FBN1: variants seen among roughly 807,000 people sequenced by gnomAD.
FBN1 encodes fibrillin-1.
FBN1 carries 29 observed loss-of-function variants against 365.1 expected under a neutral mutation model. The ratio of observed to expected loss-of-function variants is 0.08; its 90% CI spans 0.06 to 0.11. FBN1 has a LOEUF of 0.11. Ranked by LOEUF, FBN1 falls within the 10% of genes least tolerant of loss-of-function variation. The pLI is 1.00. For synonymous variants in FBN1, 1,210 were observed against 1,270.5 expected (o/e 0.95, Z 1.01); for missense variants, 2,476 against 3,703.2 (o/e 0.67, Z 8.60).
intron 12 of FBN1, among the ~76,000 whole-genome samples, chr15:48,514,669 T>C (rs774801463): frequency 5.3e-5 from 8 of 152,222 alleles, no homozygotes; most frequent in Non-Finnish European, 8.8e-5. Context: ...CTAAGAGAGT[T>C]GGTAAGCTAC....
chr15:48,491,423 T>C (rs1271893104), intron 24 of FBN1, among the ~76,000 whole-genome samples: 1 of 151,954 alleles, frequency 6.6e-6, no homozygotes, highest in Non-Finnish European at 1.5e-5. Context: ...CTATCTCGGC[T>C]CACTGCAAGC....
At chr15:48,550,567 T>C (rs756782337) in intron 6 of FBN1, among the ~76,000 whole-genome samples, 17 of 152,162 alleles carry the variant, frequency 1.1e-4, no homozygotes, top group Non-Finnish European at 1.9e-4. Context: ...TAACTTCAGT[T>C]AGACCCTAAA....
intron 8 of FBN1, among the ~76,000 whole-genome samples, chr15:48,533,869 T>G (rs944532909): frequency 5.9e-5 from 9 of 152,226 alleles, no homozygotes; most frequent in African/African-American, 1.9e-4. Flanking sequence ...ACCTCTTGTT[T>G]TGGGTCTATA....
intron 10 of FBN1, 40 bp from the exon 11 acceptor site, chr15:48,516,402 GTAGCT>G: frequency 6.3e-7 from 1 of 1,598,164 alleles, no homozygotes; most frequent in Non-Finnish European, 8.6e-7. Context: ...CAGCTGAGCT[GTAGCT>G]TATGATCATA....
At position 48,611,024 on chromosome 15, in the gene FBN1, C is replaced by T. The variant is rs76249401; in HGVS notation, c.248-198G>A. The stretch of plus-strand genomic sequence containing the variant: ...CTAAATAAACTCTGGCTTTAAAATC[C>T]ACAACTCCTTTATCCAGTCACGGTG... On this transcript the variant is annotated intron_variant, in intron 3 of 65. Transcript: ENST00000316623. 0.017 allele frequency among the ~76,000 whole-genome samples: 2,639 copies of T among 152,056 alleles called. 27 individuals carry two copies. The highest frequency in any genetic ancestry group is 0.024 in the Middle Eastern group (7 of 294).
intron 6 of FBN1, among the ~76,000 whole-genome samples, chr15:48,590,143 G>A (rs1029086778): frequency 1.3e-5 from 2 of 152,066 alleles, no homozygotes; most frequent in Non-Finnish European, 2.9e-5. Flanking sequence ...TGTAAAATTC[G>A]TGTCAGAAAT....
At chr15:48,444,785 T>G in intron 48 of FBN1, 125 bp from the exon 49 acceptor site, 3 of 1,051,230 alleles carry the variant, frequency 2.9e-6, no homozygotes, top group Non-Finnish European at 4.3e-6. Context: ...TTCATAAAAT[T>G]CCACCATGGA....
chr15:48,463,808 T>C (rs2043299212), intron 41 of FBN1, 91 bp downstream of exon 41: 1 of 1,345,682 alleles, frequency 7.4e-7, no homozygotes, highest in Admixed American at 2.0e-5. Flanking sequence ...GTCTGATGAG[T>C]AACATCACCC....
rs775219277 is a variant in FBN1 at position 48,537,694 on chromosome 15, C to T, written c.653G>A (p.Gly218Asp). 5 of 1,614,080 alleles carry T rather than the reference C, an allele frequency of 3.1e-6. No homozygotes were observed. Among genetic ancestry groups the T allele is most frequent in the African/African-American group, 1.3e-5 (1 of 74,928 alleles). Residue 218 changes from glycine to aspartate, a missense_variant, in exon 7 of 66, where the codon GGC (glycine) becomes GAC (aspartate). Physicochemically the swap from Gly to Asp is moderately conservative, Grantham distance 94 (BLOSUM62 -1). Coordinates refer to ENST00000316623, the MANE Select transcript of FBN1 (RefSeq NM_000138.5). The stretch of plus-strand genomic sequence containing the variant: ...GGCAGGACACATCTCACAGGGGTGG[C>T]CCCAGGCTCGGCCGACTGTGGCACA... ...LCCATVGRAW[G>D]HPCEMCPAQP...
At chr15:48,507,178 G>C (rs1040166177) in intron 15 of FBN1, among the ~76,000 whole-genome samples, 7 of 152,154 alleles carry the variant, frequency 4.6e-5, no homozygotes, top group Admixed American at 3.9e-4. Context: ...TGTGCTCTGT[G>C]TATCATCAAG....
chr15:48,596,720 T>C (rs1012030029), intron 5 of FBN1, among the ~76,000 whole-genome samples: 2 of 152,244 alleles, frequency 1.3e-5, no homozygotes, highest in Non-Finnish European at 2.9e-5. Flanking sequence ...ATGATTTACG[T>C]TTAATTGCAA....
Position 48,427,783 on chromosome 15 carries a change from A to G in FBN1, c.6998-10T>C. The G allele has an allele frequency of 6.2e-7, 1 of 1,611,758 alleles. No individual in the cohort carries two copies. Among genetic ancestry groups the G allele is most frequent in the African/African-American group, 1.3e-5 (1 of 75,002 alleles). On this transcript the variant is annotated splice_polypyrimidine_tract_variant and intron_variant, in intron 57 of 65. Coordinates refer to ENST00000316623, the MANE Select transcript of FBN1 (RefSeq NM_000138.5). The stretch of plus-strand genomic sequence containing the variant: ...TACCCTTCCCGATTGTCTGGAAGGG[A>G]CATTATATGGCAAAGGGGATGTCAG...
intron 63 of FBN1, among the ~76,000 whole-genome samples, chr15:48,417,356 C>A (rs1047987770): frequency 4.0e-5 from 6 of 151,394 alleles, no homozygotes; most frequent in African/African-American, 1.5e-4. Context: ...TGCCTGCCTT[C>A]CCTCCTTCCA....
chr15:48,639,517 T>C (rs1052864868), intron 2 of FBN1, among the ~76,000 whole-genome samples: 1 of 152,344 alleles, frequency 6.6e-6, no homozygotes, highest in Admixed American at 6.5e-5. Context: ...TATATGTCTC[T>C]GGCCTTCCAC....
At position 48,408,957 on chromosome 15, in the gene FBN1, T is replaced by A. The variant is rs2042839934; in HGVS notation, c.*2033A>T. ...GCTATATATTCTTCGATAACAATTT[T>A]AATACACCTCTATCACATGGTTCCA... On this transcript the variant is annotated 3_prime_UTR_variant, in exon 66 of 66. Coordinates refer to ENST00000316623, the MANE Select transcript of FBN1 (RefSeq NM_000138.5). The A allele has an allele frequency of 6.6e-6, 1 of 152,236 alleles. No homozygotes were observed. Among genetic ancestry groups the A allele is most frequent in the Admixed American group, 6.5e-5 (1 of 15,276 alleles). The allele number at this position is 152,236 out of a possible 1,614,324, so 9.4% of individuals were successfully genotyped here. A position where few individuals can be genotyped will look rare whatever the true frequency, so the allele number is the denominator to read the frequency against.
intron 6 of FBN1, among the ~76,000 whole-genome samples, chr15:48,542,780 GATGTGTGTGT>G (rs763732605): frequency 3.8e-5 from 3 of 79,168 alleles, no homozygotes; most frequent in East Asian, 5.8e-4. Flanking sequence ...AGGACTCTAA[GATGTGTGTGT>G]GTGTGTGTGT....
intron 27 of FBN1, 136 bp from the exon 28 acceptor site, chr15:48,487,573 C>T: frequency 1.7e-6 from 2 of 1,208,298 alleles, no homozygotes; most frequent in Middle Eastern, 2.6e-4. Flanking sequence ...TGGTGCTATT[C>T]ATACACCAGA....
intron 6 of FBN1, among the ~76,000 whole-genome samples, chr15:48,593,768 T>C (rs921566396): frequency 5.3e-5 from 8 of 152,186 alleles, no homozygotes; most frequent in South Asian, 2.1e-4. Flanking sequence ...GTGAGGGAGA[T>C]TGGAAACTTG....
chr15:48,523,731 G>T (rs1463300901), intron 9 of FBN1, among the ~76,000 whole-genome samples: 7 of 145,694 alleles, frequency 4.8e-5, no homozygotes, highest in Admixed American at 4.7e-4. Flanking sequence ...GGGAACCGTT[G>T]TGGTGGTATG....
Sources: allele counts gnomAD v4.1 joint callset (sites outside exome capture counted in the v4.1 genomes callset), GRCh38; gene constraint gnomAD v4.1.1; transcripts MANE v1.5; gene names NCBI Gene and HGNC (gene_info 2026-07-23, HGNC 2026-07-21).